The following GGT5 variants were observed in gnomAD, a reference collection of about 807,000 sequenced individuals.
GGT5 encodes the protein glutathione hydrolase 5 proenzyme.
A neutral mutation model predicts 58.1 loss-of-function variants in GGT5; 50 were observed. The ratio of observed to expected loss-of-function variants is 0.86; its 90% CI spans 0.69 to 1.09. GGT5 has a LOEUF of 1.09. Among genes scored for constraint, GGT5 ranks in the 50% least tolerant of loss-of-function variants. GGT5 has a pLI of 0.00. For missense variants in GGT5, 800 were observed against 789.4 expected, an observed-to-expected ratio of 1.01 and a Z score of -0.16; for synonymous variants, 370 against 346.1, an observed-to-expected ratio of 1.07 and a Z score of -0.77.
intron 11 of GGT5, among the ~76,000 whole-genome samples, chr22:24,224,059 G>A (rs1192752748): frequency 6.6e-6 from 1 of 150,806 alleles, no homozygotes; most frequent in Non-Finnish European, 1.5e-5. Context: ...CACCATGCCC[G>A]GCCACTATCA....
chr22:24,227,394 A>G (rs911282013), intron 6 of GGT5, among the ~76,000 whole-genome samples: 1 of 152,146 alleles, frequency 6.6e-6, no homozygotes, highest in Admixed American at 6.6e-5. Context: ...CTTCAGGCAC[A>G]GGCCATCATG....
rs972614295 is a variant in GGT5, at chr22:24,231,473, A to C, written c.812T>G (p.Leu271Arg). The change falls in exon 6 of 12, where the codon CTG (leucine) becomes CGG (arginine). Residue 271 changes from leucine (L) to arginine (R), a missense_variant. Coordinates refer to ENST00000327365, the MANE Select transcript of GGT5 (RefSeq NM_004121.5). ...GGTATAGTCCCCCAGGGGCACCTCC[A>C]GGGCATCCACCACCTCGGGCTGGAA... ...AKFQPEVVDA[L>R]EVPLGDYTLY... 6.3e-7 allele frequency: 1 copy of C among 1,579,300 alleles called. No homozygotes were observed. Among genetic ancestry groups the C allele is most frequent in the African/African-American group, 1.3e-5 (1 of 74,076 alleles).
rs1447505218 is a variant in GGT5 at position 24,233,513 on chromosome 22, G to A, written c.385C>T (p.Leu129=). Residue 129 remains leucine, a synonymous_variant, in exon 3 of 12, where the codon CTG becomes TTG. Coordinates refer to ENST00000327365, the MANE Select transcript of GGT5 (RefSeq NM_004121.5). ...PSLLDQCAQA[L]PLGTGAQWIG... ...GGGGCGTCACCTGTGCCCAGTGGCA[G>A]AGCCTGTGCACACTGGTCCAGCAGG... 6.2e-7 allele frequency: 1 copy of A among 1,603,214 alleles called. No individual in the cohort carries two copies. The highest frequency in any genetic ancestry group is 8.5e-7 in the Non-Finnish European group (1 of 1,175,038).
At chr22:24,225,130 G>A (rs1388199898) in intron 10 of GGT5, 24 bp from the exon 11 acceptor site, 1 of 1,581,368 alleles carries the variant, frequency 6.3e-7, no homozygotes, top group African/African-American at 1.3e-5. Flanking sequence ...GAGGGTTTCA[G>A]GGAGAAAGGG....
At chr22:24,244,319 ACC>A (rs766210197) in intron 1 of GGT5, 47 of 516,550 alleles carry the variant, frequency 9.1e-5, no homozygotes, top group African/African-American at 7.9e-4. Flanking sequence ...ACACACACCC[ACC>A]CACACATACA....
At chr22:24,224,072 C>G (rs1209392524) in intron 11 of GGT5, among the ~76,000 whole-genome samples, 1 of 151,632 alleles carries the variant, frequency 6.6e-6, no homozygotes, top group Non-Finnish European at 1.5e-5. Context: ...CACTATCAAT[C>G]TTTTAAATAG....
intron 1 of GGT5, among the ~76,000 whole-genome samples, chr22:24,240,933 A>T (rs2048309368): frequency 6.6e-6 from 1 of 152,158 alleles, no homozygotes; most frequent in Admixed American, 6.6e-5. Context: ...CAAAGCGGGC[A>T]GATCACCTGA....
intron 5 of GGT5, 21 bp from the exon 6 acceptor site, chr22:24,231,551 C>G (rs757391032): frequency 6.3e-7 from 1 of 1,582,402 alleles, no homozygotes; most frequent in Non-Finnish European, 8.6e-7. Flanking sequence ...AAGGAGAGGG[C>G]TCCATGAACA....
Position 24,226,243 on chromosome 22 carries a change from C to T in GGT5, c.1062G>A (p.Gly354=). ...GGCGGATGAGCTGGGCCAGGGTCTC[C>T]CCCAGCAGGTCCCGGGAGGCATTCT... is the stretch of plus-strand genomic sequence containing the variant. ...KLQNASRDLL[G]ETLAQLIRQQ... The change falls in exon 8 of 12, where the codon GGG becomes GGA. Residue 354 remains glycine, a synonymous_variant. Coordinates refer to ENST00000327365, the MANE Select transcript of GGT5 (RefSeq NM_004121.5). The T allele has an allele frequency of 6.2e-7, 1 of 1,605,390 alleles. No individual in the cohort carries two copies. Among genetic ancestry groups the T allele is most frequent in the Non-Finnish European group, 8.5e-7 (1 of 1,178,232 alleles).
At position 24,233,991 on chromosome 22, in the gene GGT5, G is replaced by A; in HGVS notation, c.187C>T (p.Gln63Ter). The A allele has an allele frequency of 1.2e-6, 2 of 1,610,550 alleles. No individual in the cohort carries two copies. Among genetic ancestry groups the A allele is most frequent in the Non-Finnish European group, 1.7e-6 (2 of 1,178,698 alleles). Residue 63 changes from glutamine (Q) to a stop codon, truncating the protein, a stop_gained, in exon 2 of 12, where the codon CAG becomes TAG. Coordinates refer to ENST00000327365, the MANE Select transcript of GGT5 (RefSeq NM_004121.5). LOFTEE classifies it high-confidence loss of function. ...CSDIGRAILQ[Q>*]QGSPVDATIA... ...GTGGCATCCACGGGTGAGCCCTGCT[G>A]CTGGAGGATGGCTCTAGGGGACATG...
chr22:24,233,904 C>G lies in GGT5; in HGVS notation c.274G>C (p.Val92Leu). The change falls in exon 2 of 12, where the codon GTC becomes CTC. Residue 92 changes from valine to leucine, a missense_variant. By Grantham distance (32) the Val-to-Leu change is conservative. Coordinates refer to ENST00000327365, the MANE Select transcript of GGT5 (RefSeq NM_004121.5). ...NPQSMGLGGG[V>L]IFTIYNVTTG... ...GTCACATTGTAGATGGTGAAGATGA[C>G]CCCTCCGCCCAGGCCCATGCTCTGA... 12 of 1,613,524 alleles carry G rather than the reference C, an allele frequency of 7.4e-6. No homozygotes were observed. Among genetic ancestry groups the G allele is most frequent in the Non-Finnish European group, 1.0e-5 (12 of 1,179,498 alleles).
chr22:24,225,445 G>A (rs769089462), intron 9 of GGT5, 34 bp from the exon 10 acceptor site: 3 of 1,608,248 alleles, frequency 1.9e-6, no homozygotes, highest in African/African-American at 2.7e-5. Flanking sequence ...CAAGTGCAGT[G>A]ACCCATCCAG....
At chr22:24,221,746 A>T (rs2047595618) in intron 11 of GGT5, among the ~76,000 whole-genome samples, 1 of 151,772 alleles carries the variant, frequency 6.6e-6, no homozygotes, top group African/African-American at 2.4e-5. Context: ...CCTCAGGTGA[A>T]CCACCCACCT....
In GGT5 at chr22:24,238,899, ATATATATTAT is replaced by A. The variant is rs1286860625; in HGVS notation, c.174-4905_174-4896del. 8.7e-4 allele frequency among the ~76,000 whole-genome samples: 10 copies of A among 11,516 alleles called. 1 individual carries two copies. Among genetic ancestry groups the A allele is most frequent in the Admixed American group, 3.5e-3 (2 of 568 alleles). 7.6% of individuals were successfully genotyped at this position (11,516 alleles called of 152,430 possible). On this transcript the variant is annotated intron_variant, in intron 1 of 11. Transcript: ENST00000327365. The stretch of plus-strand genomic sequence containing the variant: ...AATATATATTATATATTTTATATAT[ATATATATTAT>A]ATATATTATATATATAATATATATT...
Position 24,226,076 on chromosome 22 carries a change from G to T in GGT5, c.1229C>A (p.Pro410His), listed in dbSNP as rs761906002. Residue 410 changes from proline (P) to histidine (H), a missense_variant and splice_region_variant, in exon 8 of 12, where the codon CCC becomes CAC. Physicochemically the swap from Pro to His is moderately conservative, Grantham distance 77 (BLOSUM62 -2). Transcript: ENST00000327365. Reference protein sequence around the residue: ...AVAATSTINTPFGAMVYSPRT... With the variant: ...AVAATSTINTHFGAMVYSPRT... The stretch of plus-strand genomic sequence containing the variant: ...CCGCCTTCCCCCAGGCCCTACGCAC[G>T]GTGTGTTGATGGTGCTGGTGGCAGC... 9 of 1,583,976 alleles carry T rather than the reference G, an allele frequency of 5.7e-6. No individual in the cohort carries two copies. Among genetic ancestry groups the T allele is most frequent in the East Asian group, 2.3e-5 (1 of 44,224 alleles).
chr22:24,240,367 C>A (rs561284537), intron 1 of GGT5, among the ~76,000 whole-genome samples: 1 of 151,802 alleles, frequency 6.6e-6, no homozygotes, highest in African/African-American at 2.4e-5. Context: ...TTTAAAAGGA[C>A]AATCAATAAA....
Position 24,244,295 on chromosome 22 carries a change from GCACA to G in GGT5, c.173+254_173+257del, listed in dbSNP as rs146390000. On this transcript the variant is annotated intron_variant, in intron 1 of 11. Transcript: ENST00000327365. Reference sequence around the variant, plus strand: ...TCCTGCTTCCTGGGCCAGTGCACGTGCACACACACACACACACACACCCACCCAC... The same window carrying G: ...TCCTGCTTCCTGGGCCAGTGCACGTGCACACACACACACACACCCACCCAC... 1,233 of 399,816 alleles carry G rather than the reference GCACA, an allele frequency of 3.1e-3. 9 individuals carry two copies. The highest frequency in any genetic ancestry group is 0.019 in the African/African-American group (872 of 46,924). The allele number at this position is 399,816 out of a possible 1,614,324, so 24.8% of individuals were successfully genotyped here.
rs71189232 is a variant in GGT5, at chr22:24,235,050, CTTTTTTTTTTTT to C, written c.174-1058_174-1047del. Among the ~76,000 whole-genome samples, 318 of 75,658 alleles carry C rather than the reference CTTTTTTTTTTTT, an allele frequency of 4.2e-3. 2 individuals carry two copies. The highest frequency in any genetic ancestry group is 0.025 in the Middle Eastern group (3 of 120). The allele number at this position is 75,658 out of a possible 152,430, so 49.6% of individuals were successfully genotyped here. On this transcript the variant is annotated intron_variant, in intron 1 of 11. Transcript: ENST00000327365. ...CCTCCCCAGCACCTCAAGAAGCCAGCTTTTTTTTTTTTTTTTTTTTTTTTTTGAGACAGAGTT... is the reference window on the plus strand; with the variant it reads ...CCTCCCCAGCACCTCAAGAAGCCAGCTTTTTTTTTTTTTTGAGACAGAGTT...
rs150075938 is a variant in GGT5, at chr22:24,233,542, G to C, written c.356C>G (p.Pro119Arg). The change falls in exon 3 of 12, where the codon CCG becomes CGG. Residue 119 changes from proline to arginine, a missense_variant. Pro to Arg is a moderately radical substitution (Grantham distance 103). Coordinates refer to ENST00000327365, the MANE Select transcript of GGT5 (RefSeq NM_004121.5). ...CTGTGCACACTGGTCCAGCAGGCTC[G>C]GGGCGTGGCTGGCCGGCACCGTCTC... ...ARETVPASHA[P>R]SLLDQCAQAL... 3 of 1,609,696 alleles carry C rather than the reference G, an allele frequency of 1.9e-6. No individual in the cohort carries two copies. Among genetic ancestry groups the C allele is most frequent in the Non-Finnish European group, 8.5e-7 (1 of 1,179,250 alleles).
Sources: gnomAD v4.1 joint callset for allele counts (sites outside exome capture counted in the v4.1 genomes callset) on GRCh38, gnomAD v4.1.1 for gene constraint, MANE v1.5 for transcripts, NCBI Gene and HGNC (gene_info 2026-07-23, HGNC 2026-07-21) for gene names.